Variants in MB21D2 observed in about 807,000 individuals in gnomAD.
The protein encoded by MB21D2 is Mab-21 domain containing 2.
MB21D2 carries 9 observed loss-of-function variants against 33.3 expected under a neutral mutation model. The ratio of observed to expected loss-of-function variants is 0.27; its 90% CI spans 0.16 to 0.47. The LOEUF (loss-of-function observed/expected upper bound fraction) is 0.47, where lower values mean the gene tolerates loss of function less well. Among genes scored for constraint, MB21D2 ranks in the 20% least tolerant of loss-of-function variants. The pLI is 0.99. For missense variants in MB21D2, 540 were observed against 624.6 expected, an observed-to-expected ratio of 0.86 and a Z score of 1.44; for synonymous variants, 241 against 236.3, an observed-to-expected ratio of 1.02 and a Z score of -0.18.
rs575375976 is a variant in MB21D2 at position 192,884,520 on chromosome 3, C to T, written c.211+33110G>A. Among the ~76,000 whole-genome samples, 5 of 128,200 alleles carry T rather than the reference C, an allele frequency of 3.9e-5. No homozygotes were observed. The South Asian group carries it at 1.5e-3, about 37-fold the overall frequency. The allele number at this position is 128,200 out of a possible 152,430, so 84.1% of individuals were successfully genotyped here. A position where few individuals can be genotyped will look rare whatever the true frequency, so the allele number is the denominator to read the frequency against. ...TAGCTGGGACTACAGGCGCCCGCCA[C>T]CACGCCCGGCTAATTTTTTGTATTT... On this transcript the variant is annotated intron_variant, in intron 1 of 1. Coordinates refer to ENST00000392452, the MANE Select transcript of MB21D2 (RefSeq NM_178496.4).
intron 1 of MB21D2, among the ~76,000 whole-genome samples, chr3:192,818,333 C>A (rs1711971542): frequency 6.6e-6 from 1 of 152,138 alleles, no homozygotes; most frequent in Non-Finnish European, 1.5e-5. Context: ...ACTGCTTGTA[C>A]AGGACTGGCA....
At chr3:192,845,120 A>G (rs918121781) in intron 1 of MB21D2, among the ~76,000 whole-genome samples, 1 of 152,246 alleles carries the variant, frequency 6.6e-6, no homozygotes, top group African/African-American at 2.4e-5. Context: ...CTTCCTTGGG[A>G]AACTCGGAAG....
chr3:192,885,477 G>C (rs1713712137), intron 1 of MB21D2, among the ~76,000 whole-genome samples: 1 of 152,060 alleles, frequency 6.6e-6, no homozygotes, highest in African/African-American at 2.4e-5. Context: ...AATGAGAACT[G>C]ATCAGTTGCC....
chr3:192,914,481 CA>C (rs1714420722), intron 1 of MB21D2, among the ~76,000 whole-genome samples: 1 of 152,118 alleles, frequency 6.6e-6, no homozygotes. Flanking sequence ...ATGAAGATAA[CA>C]AAAGAGCTGG....
chr3:192,909,605 C>A (rs886261261), intron 1 of MB21D2, among the ~76,000 whole-genome samples: 1 of 152,090 alleles, frequency 6.6e-6, no homozygotes. Context: ...AGGTTCCATG[C>A]TGTTTCCATG....
At chr3:192,900,058 G>A (rs574758992) in intron 1 of MB21D2, among the ~76,000 whole-genome samples, 1 of 152,126 alleles carries the variant, frequency 6.6e-6, no homozygotes, top group East Asian at 1.9e-4. Flanking sequence ...GCTGAGGCGG[G>A]CGGATCACGA....
At chr3:192,890,012 T>C (rs144498257) in intron 1 of MB21D2, among the ~76,000 whole-genome samples, 40 of 152,240 alleles carry the variant, frequency 2.6e-4, no homozygotes, top group African/African-American at 9.2e-4. Context: ...ACATGTCTAA[T>C]GCCATTTCTG....
chr3:192,855,574 A>G (rs1185280662), intron 1 of MB21D2, among the ~76,000 whole-genome samples: 1 of 152,218 alleles, frequency 6.6e-6, no homozygotes, highest in Non-Finnish European at 1.5e-5. Context: ...ACCTCTATGC[A>G]GTATCATCTC....
rs772904152 is a variant in MB21D2, at chr3:192,798,740, G to A, written c.1122C>T (p.Cys374=). ...DLQHCLVNKM[C]PNYFIPQCNM... is the part of the protein sequence containing the mutation. ...TGCACTGAGGGATGAAATAATTGGG[G>A]CACATCTTGTTGACCAGACAGTGTT... Residue 374 remains cysteine, a synonymous_variant, in exon 2 of 2, where the codon TGC becomes TGT. Coordinates refer to ENST00000392452, the MANE Select transcript of MB21D2 (RefSeq NM_178496.4). This position sits in a 1 kb window ranked among gnomAD's most constrained non-coding sequence, Gnocchi z 4.8. 7 of 1,613,316 alleles carry A rather than the reference G, an allele frequency of 4.3e-6. No homozygotes were observed. In the Admixed American group the frequency reaches 5.0e-5, roughly 12 times the overall value.
chr3:192,837,900 G>A lies in MB21D2; in HGVS notation c.212-38250C>T, dbSNP rs555317855. Among the ~76,000 whole-genome samples the A allele has an allele frequency of 5.9e-5, 9 of 152,248 alleles. No individual in the cohort carries two copies. The South Asian group carries it at 6.2e-4, about 11-fold the overall frequency. ...GAAACATCAGAAACCTGGAGGTACC[G>A]CCCATCTATTTCTACATTAGTTTTC... On this transcript the variant is annotated intron_variant, in intron 1 of 1. Coordinates refer to ENST00000392452, the MANE Select transcript of MB21D2 (RefSeq NM_178496.4).
intron 1 of MB21D2, among the ~76,000 whole-genome samples, chr3:192,800,904 G>A (rs1240350136): frequency 6.6e-6 from 1 of 152,200 alleles, no homozygotes; most frequent in Non-Finnish European, 1.5e-5. Context: ...TGATAAAGCT[G>A]AAATTTCTAA....
chr3:192,838,802 C>CA (rs1311492954), intron 1 of MB21D2, among the ~76,000 whole-genome samples: 1 of 152,150 alleles, frequency 6.6e-6, no homozygotes, highest in Non-Finnish European at 1.5e-5. Context: ...ATTAGAGATA[C>CA]AAAAATACAT....
chr3:192,865,807 A>G (rs1034165478), intron 1 of MB21D2, among the ~76,000 whole-genome samples: 7 of 152,038 alleles, frequency 4.6e-5, no homozygotes, highest in African/African-American at 1.7e-4. Context: ...GCACTTTGGG[A>G]GGTGAAGGCA....
At chr3:192,916,901 T>C (rs576458118) in intron 1 of MB21D2, among the ~76,000 whole-genome samples, 2 of 152,340 alleles carry the variant, frequency 1.3e-5, no homozygotes, top group East Asian at 3.9e-4. Context: ...GGCGCTCCTC[T>C]GCGGCCAGAG....
intron 1 of MB21D2, among the ~76,000 whole-genome samples, chr3:192,842,826 G>T (rs971427857): frequency 6.6e-6 from 1 of 152,192 alleles, no homozygotes; most frequent in Non-Finnish European, 1.5e-5. Flanking sequence ...CTCCAAGGTT[G>T]TCACATCCAC....
chr3:192,833,798 C>T (rs1712372542), intron 1 of MB21D2, among the ~76,000 whole-genome samples: 2 of 152,170 alleles, frequency 1.3e-5, no homozygotes, highest in South Asian at 4.1e-4. Flanking sequence ...TTTTCAATCT[C>T]TATGATTCTT....
chr3:192,834,482 C>T (rs1388385839), intron 1 of MB21D2, among the ~76,000 whole-genome samples: 2 of 151,496 alleles, frequency 1.3e-5, no homozygotes, highest in African/African-American at 2.4e-5. Context: ...TTTCTCATCC[C>T]CATTCCACTG....
At chr3:192,887,140 G>A (rs898341675) in intron 1 of MB21D2, among the ~76,000 whole-genome samples, 4 of 152,072 alleles carry the variant, frequency 2.6e-5, no homozygotes, top group African/African-American at 9.7e-5. Context: ...GACATTTGAC[G>A]ATATCAATGA....
At chr3:192,840,368 C>T (rs920902660) in intron 1 of MB21D2, among the ~76,000 whole-genome samples, 1 of 150,688 alleles carries the variant, frequency 6.6e-6, no homozygotes, top group Admixed American at 6.6e-5. Flanking sequence ...ATTCAACCAC[C>T]GTAACTTTGT....
Sources: gnomAD v4.1 joint callset for allele counts (sites outside exome capture counted in the v4.1 genomes callset) on GRCh38, gnomAD v4.1.1 for gene constraint, Gnocchi (gnomAD v3.1) non-coding constraint, MANE v1.5 for transcripts, NCBI Gene and HGNC (gene_info 2026-07-23, HGNC 2026-07-21) for gene names.